Variants in GALNTL6 observed in about 807,000 individuals in gnomAD.
The protein encoded by GALNTL6 is polypeptide N-acetylgalactosaminyltransferase like 6.
GALNTL6 carries 46 observed loss-of-function variants against 73.7 expected under a neutral mutation model. That is an observed-to-expected ratio of 0.62 (90% CI 0.49 to 0.80). GALNTL6 has a LOEUF of 0.80. Among genes scored for constraint, GALNTL6 ranks in the 30% least tolerant of loss-of-function variants. The pLI is 0.00. For synonymous variants in GALNTL6, 259 were observed against 263.7 expected, an observed-to-expected ratio of 0.98 and a Z score of 0.17; for missense variants, 604 against 755.0, an observed-to-expected ratio of 0.80 and a Z score of 2.34.
chr4:172,351,181 G>GTCTGTCTGTCCA (rs139731159), intron 5 of GALNTL6, among the ~76,000 whole-genome samples: 1 of 122,518 alleles, frequency 8.2e-6, no homozygotes, highest in African/African-American at 3.1e-5. Context: ...ACAATAATCT[G>GTCTGTCTGTCCA]TCTATCTATC....
At chr4:172,095,961 C>G (rs532663215) in intron 2 of GALNTL6, among the ~76,000 whole-genome samples, 1 of 150,156 alleles carries the variant, frequency 6.7e-6, no homozygotes, top group East Asian at 2.0e-4. Context: ...TTTATTTTTT[C>G]CCATTTTTCT....
intron 2 of GALNTL6, among the ~76,000 whole-genome samples, chr4:171,986,682 A>C (rs1018662639): frequency 2.0e-5 from 3 of 152,082 alleles, no homozygotes; most frequent in African/African-American, 7.2e-5. Context: ...TGTTAGAAGA[A>C]ACATTTATTG....
intron 10 of GALNTL6, among the ~76,000 whole-genome samples, chr4:173,000,609 C>T (rs998155879): frequency 6.6e-6 from 1 of 152,028 alleles, no homozygotes; most frequent in African/African-American, 2.4e-5. Flanking sequence ...CAATCTTGAA[C>T]AAGAAAAACA....
intron 2 of GALNTL6, among the ~76,000 whole-genome samples, chr4:172,216,537 AT>A (rs537304562): frequency 2.7e-5 from 4 of 150,656 alleles, no homozygotes; most frequent in East Asian, 1.9e-4. Flanking sequence ...CTTAAGTGTA[AT>A]TTTTTTTTGT....
chr4:172,300,670 C>CT (rs1739878071), intron 3 of GALNTL6, among the ~76,000 whole-genome samples: 1 of 152,064 alleles, frequency 6.6e-6, no homozygotes, highest in Non-Finnish European at 1.5e-5. Context: ...GTTGAAAATT[C>CT]TTTCTTTAAG....
chr4:173,034,177 C>A (rs1753587912), intron 12 of GALNTL6, among the ~76,000 whole-genome samples: 1 of 152,202 alleles, frequency 6.6e-6, no homozygotes, highest in Admixed American at 6.5e-5. Context: ...CCCAACTCAT[C>A]CCCATTGGTC....
chr4:171,857,639 G>C (rs1735727953), intron 2 of GALNTL6, among the ~76,000 whole-genome samples: 1 of 152,156 alleles, frequency 6.6e-6, no homozygotes, highest in Non-Finnish European at 1.5e-5. Context: ...TGTGATAATA[G>C]CGATGAGGCT....
chr4:172,201,873 T>C (rs1179024000), intron 2 of GALNTL6, among the ~76,000 whole-genome samples: 1 of 151,868 alleles, frequency 6.6e-6, no homozygotes, highest in Non-Finnish European at 1.5e-5. Flanking sequence ...AACAGAGGGG[T>C]ATGGTAGGTT....
rs545176849 is a variant in GALNTL6 at position 172,718,365 on chromosome 4, C to T, written c.554-90996C>T. Among the ~76,000 whole-genome samples, 26 of 152,226 alleles carry T rather than the reference C, an allele frequency of 1.7e-4. No homozygotes were observed. In the South Asian group the frequency reaches 5.2e-3, roughly 30 times the overall value. ...CAGTCATCTGGGCCTGGTACAGTGG[C>T]TCATACCTGTAATCCCAGCACACTG... On this transcript the variant is annotated intron_variant, in intron 5 of 12. Coordinates refer to ENST00000506823, the MANE Select transcript of GALNTL6 (RefSeq NM_001034845.3).
At chr4:172,752,249 G>A (rs1322270594) in intron 5 of GALNTL6, among the ~76,000 whole-genome samples, 1 of 151,882 alleles carries the variant, frequency 6.6e-6, no homozygotes, top group Non-Finnish European at 1.5e-5. Flanking sequence ...AATTCAAGAA[G>A]GCTGAATGCT....
In GALNTL6 at chr4:172,322,810, G is replaced by A. The variant is rs199772190; in HGVS notation, c.386+11058G>A. On this transcript the variant is annotated intron_variant, in intron 4 of 12. Transcript: ENST00000506823. The stretch of plus-strand genomic sequence containing the variant: ...TTATAATTCTACATGAGATTTGGGT[G>A]GGAACACAGTGCCAAATCATATCAA... Among the ~76,000 whole-genome samples, 121 of 151,998 alleles carry A rather than the reference G, an allele frequency of 8.0e-4. 2 individuals carry two copies. In the South Asian group the frequency reaches 0.015, roughly 19 times the overall value.
At position 172,051,823 on chromosome 4, in the gene GALNTL6, A is replaced by T. The variant is rs973120117; in HGVS notation, c.139-177833A>T. On this transcript the variant is annotated intron_variant, in intron 2 of 12. Transcript: ENST00000506823. ...CTCTGCCAGGGAACCACCCTCTTGT[A>T]CTCAGTATTTCCCTGTCTCCTGTCC... Among the ~76,000 whole-genome samples, 92 of 152,126 alleles carry T rather than the reference A, an allele frequency of 6.0e-4. 1 individual carries two copies. Among genetic ancestry groups the T allele is most frequent in the African/African-American group, 2.1e-3 (89 of 41,518 alleles).
chr4:172,340,133 T>TTA (rs1741510438), intron 4 of GALNTL6, among the ~76,000 whole-genome samples: 1 of 152,202 alleles, frequency 6.6e-6, no homozygotes, highest in African/African-American at 2.4e-5. Flanking sequence ...TGTGGGCTTT[T>TTA]TATATATGGC....
Position 172,156,071 on chromosome 4 carries a change from C to T in GALNTL6, c.139-73585C>T, listed in dbSNP as rs537590280. On this transcript the variant is annotated intron_variant, in intron 2 of 12. Transcript: ENST00000506823. ...TGGAGCTACAGGCTGTTTTAACGAGCGCCTGGGTGCAGATGGGCTGAGGCC... is the reference window on the plus strand; with the variant it reads ...TGGAGCTACAGGCTGTTTTAACGAGTGCCTGGGTGCAGATGGGCTGAGGCC... Among the ~76,000 whole-genome samples the T allele has an allele frequency of 1.0e-3, 157 of 151,884 alleles. 1 individual carries two copies. Among genetic ancestry groups the T allele is most frequent in the South Asian group, 7.9e-3 (38 of 4,802 alleles).
chr4:172,903,101 A>AT (rs1158870166), intron 8 of GALNTL6, among the ~76,000 whole-genome samples: 1 of 151,958 alleles, frequency 6.6e-6, no homozygotes, highest in Non-Finnish European at 1.5e-5. Flanking sequence ...ACATTTCATT[A>AT]TTTTTTCCCT....
At chr4:172,762,487 G>A (rs1454654885) in intron 5 of GALNTL6, among the ~76,000 whole-genome samples, 1 of 150,856 alleles carries the variant, frequency 6.6e-6, no homozygotes, top group Non-Finnish European at 1.5e-5. Flanking sequence ...AACTACATGA[G>A]ATTGCCCGTG....
chr4:171,849,346 C>A (rs1735457505), intron 2 of GALNTL6, among the ~76,000 whole-genome samples: 1 of 152,096 alleles, frequency 6.6e-6, no homozygotes, highest in South Asian at 2.1e-4. Context: ...TAAGTTTATG[C>A]CTCTTACTAT....
intron 5 of GALNTL6, among the ~76,000 whole-genome samples, chr4:172,766,584 G>A (rs1738418511): frequency 1.3e-5 from 2 of 152,096 alleles, no homozygotes. Flanking sequence ...AATTAAAAAG[G>A]ACTATGGAGA....
intron 5 of GALNTL6, among the ~76,000 whole-genome samples, chr4:172,791,154 G>A (rs994581909): frequency 1.9e-4 from 29 of 152,304 alleles, no homozygotes; most frequent in African/African-American, 5.1e-4. Flanking sequence ...GAAGGAAGTC[G>A]ATGATAGAAA....
Sources: allele counts gnomAD v4.1 joint callset (sites outside exome capture counted in the v4.1 genomes callset), GRCh38; gene constraint gnomAD v4.1.1; transcripts MANE v1.5; gene names NCBI Gene and HGNC (gene_info 2026-07-23, HGNC 2026-07-21).